Variants in BCAS1 observed in about 807,000 individuals in gnomAD.
BCAS1 encodes brain enriched myelin associated protein 1, also known as breast carcinoma-amplified sequence 1.
Under a neutral mutation model 65.4 loss-of-function variants are expected in BCAS1, and 46 were observed. The ratio of observed to expected loss-of-function variants is 0.70; its 90% CI spans 0.55 to 0.90. BCAS1 has a LOEUF of 0.90. BCAS1 is among the 40% of genes least tolerant of loss of function. The pLI, the probability that BCAS1 is intolerant of heterozygous loss-of-function variation, is 0.00. For missense variants in BCAS1, 793 were observed against 771.2 expected, an observed-to-expected ratio of 1.03 and a Z score of -0.33; for synonymous variants, 298 against 293.5, an observed-to-expected ratio of 1.02 and a Z score of -0.16.
At chr20:53,963,017 G>GT (rs1211438055) in intron 10 of BCAS1, among the ~76,000 whole-genome samples, 4 of 151,494 alleles carry the variant, frequency 2.6e-5, no homozygotes, top group East Asian at 2.0e-4. Context: ...TGCCCGGCTA[G>GT]TTTTTTGTAT....
chr20:53,967,944 G>A (rs974279459), intron 9 of BCAS1, among the ~76,000 whole-genome samples: 5 of 152,320 alleles, frequency 3.3e-5, no homozygotes, highest in Middle Eastern at 3.4e-3. Flanking sequence ...CCTCAGGCAG[G>A]GGCTGGCAAA....
chr20:54,010,732 A>T (rs964913722), intron 4 of BCAS1, among the ~76,000 whole-genome samples: 6 of 152,346 alleles, frequency 3.9e-5, no homozygotes, highest in Non-Finnish European at 5.9e-5. Flanking sequence ...GACATTTTGT[A>T]GAGATAGATG....
In BCAS1 at chr20:53,944,934, G is replaced by C; in HGVS notation, c.1878C>G (p.Gly626=). 1 of 1,614,028 alleles carries C rather than the reference G, an allele frequency of 6.2e-7. No individual in the cohort carries two copies. The highest frequency in any genetic ancestry group is 8.5e-7 in the Non-Finnish European group (1 of 1,179,970). Residue 626 remains glycine (G), a synonymous_variant, in exon 13 of 13, where the codon GGC becomes GGG. Transcript: ENST00000688948. ...QTDPVSIGPV[G]KSK is the part of the protein sequence containing the mutation. The stretch of plus-strand genomic sequence containing the variant: ...CGTGCTGATTTGTTTACTTGGATTT[G>C]CCAACTGGTCCGATGGATACTGGGT...
chr20:53,961,077 G>A (rs1477282028), intron 10 of BCAS1, among the ~76,000 whole-genome samples: 1 of 152,180 alleles, frequency 6.6e-6, no homozygotes, highest in Non-Finnish European at 1.5e-5. Context: ...TTCACGCCTT[G>A]TATATTAATG....
chr20:54,004,555 T>C (rs1048305596), intron 4 of BCAS1, among the ~76,000 whole-genome samples: 10 of 152,218 alleles, frequency 6.6e-5, no homozygotes, highest in African/African-American at 1.9e-4. Flanking sequence ...ATTATGAAAG[T>C]GGCACAAGAC....
chr20:54,066,815 A>G (rs756021), intron 1 of BCAS1, among the ~76,000 whole-genome samples: 77,024 of 152,094 alleles, frequency 0.51, 21,190 homozygotes, highest in African/African-American at 0.73. Context: ...TTTGGTTACC[A>G]CAGCCCAAGC....
chr20:54,010,127 C>T (rs59007419), intron 4 of BCAS1, among the ~76,000 whole-genome samples: 6,881 of 152,134 alleles, frequency 0.045, 503 homozygotes, highest in African/African-American at 0.16. Context: ...TAACATTATC[C>T]TTAATTCTGA....
chr20:54,048,184 G>T (rs1351817677), intron 3 of BCAS1, among the ~76,000 whole-genome samples: 3 of 152,146 alleles, frequency 2.0e-5, no homozygotes, highest in African/African-American at 7.2e-5. Context: ...AGAGAGAAAA[G>T]TGGTGTTTAG....
At chr20:54,027,379 C>T (rs1012918248) in intron 4 of BCAS1, among the ~76,000 whole-genome samples, 4 of 152,126 alleles carry the variant, frequency 2.6e-5, no homozygotes, top group Non-Finnish European at 5.9e-5. Flanking sequence ...GTACAGTGCT[C>T]AGAGTAGAGC....
At chr20:54,044,202 T>G (rs2299700) in intron 3 of BCAS1, among the ~76,000 whole-genome samples, 1 of 152,126 alleles carries the variant, frequency 6.6e-6, no homozygotes, top group Non-Finnish European at 1.5e-5. Flanking sequence ...GCAGCTGTTG[T>G]TATTTCTCAA....
intron 1 of BCAS1, among the ~76,000 whole-genome samples, chr20:54,061,843 G>T (rs1043570550): frequency 5.3e-5 from 8 of 152,172 alleles, no homozygotes; most frequent in Admixed American, 3.3e-4. Flanking sequence ...GGGACATTAT[G>T]AATAATATAA....
Position 53,967,111 on chromosome 20 carries a change from A to C in BCAS1, c.1318-38T>G, listed in dbSNP as rs1261607175. 7 of 1,598,118 alleles carry C rather than the reference A, an allele frequency of 4.4e-6. No homozygotes were observed. The South Asian group carries it at 8.0e-5, about 18-fold the overall frequency. On this transcript the variant is annotated intron_variant, in intron 9 of 12. Transcript: ENST00000688948. ...GCCAGGTAATAAGAAAATGAAAAAC[A>C]AAACATTCCCCCAAAACATGTTTTA... is the stretch of plus-strand genomic sequence containing the variant.
chr20:53,981,544 T>C (rs1325157398), intron 8 of BCAS1, among the ~76,000 whole-genome samples: 1 of 151,742 alleles, frequency 6.6e-6, no homozygotes, highest in Non-Finnish European at 1.5e-5. Flanking sequence ...GCGTTCTTTT[T>C]TTTTTTTTTT....
In BCAS1 at chr20:53,969,239, T is replaced by C. The variant is rs181434031; in HGVS notation, c.1318-2166A>G. On this transcript the variant is annotated intron_variant, in intron 9 of 12. Coordinates refer to ENST00000688948, the MANE Select transcript of BCAS1 (RefSeq NM_001366298.2). The stretch of plus-strand genomic sequence containing the variant: ...TCTGCATATTAAATCAGGCAATACA[T>C]GTCAAGTTCTTAGCACCATGCACTC... 9.1e-4 allele frequency among the ~76,000 whole-genome samples: 138 copies of C among 152,280 alleles called. 3 individuals carry two copies. The highest frequency in any genetic ancestry group is 6.8e-3 in the Middle Eastern group (2 of 294).
intron 12 of BCAS1, among the ~76,000 whole-genome samples, chr20:53,946,498 G>A (rs2089321633): frequency 8.2e-6 from 1 of 121,218 alleles, no homozygotes; most frequent in Non-Finnish European, 1.8e-5. Context: ...TTTATATATT[G>A]TATACAGTAT....
intron 3 of BCAS1, among the ~76,000 whole-genome samples, chr20:54,034,965 C>T (rs957629976): frequency 6.6e-6 from 1 of 151,116 alleles, no homozygotes; most frequent in African/African-American, 2.4e-5. Context: ...GAATAGAGAA[C>T]CCGGAAATAA....
intron 12 of BCAS1, among the ~76,000 whole-genome samples, chr20:53,951,337 G>GCCTGTAATTA (rs1328266492): frequency 1.3e-5 from 2 of 152,168 alleles, no homozygotes; most frequent in African/African-American, 4.8e-5. Flanking sequence ...CAGGCGTGGT[G>GCCTGTAATTA]GCGCATGCCT....
At chr20:53,967,122 C>T in intron 9 of BCAS1, 49 bp from the exon 10 acceptor site, 2 of 1,590,058 alleles carry the variant, frequency 1.3e-6, no homozygotes, top group East Asian at 2.2e-5. Context: ...AAACATTCCC[C>T]CAAAACATGT....
chr20:53,990,452 A>C (rs185535699), intron 7 of BCAS1, among the ~76,000 whole-genome samples: 1 of 152,354 alleles, frequency 6.6e-6, no homozygotes, highest in Non-Finnish European at 1.5e-5. Flanking sequence ...AATTCTTTTT[A>C]TAAGAAGGAT....
Sources: gnomAD v4.1 joint callset for allele counts (sites outside exome capture counted in the v4.1 genomes callset) on GRCh38, gnomAD v4.1.1 for gene constraint, MANE v1.5 for transcripts, NCBI Gene and HGNC (gene_info 2026-07-23, HGNC 2026-07-21) for gene names.